Variants in THSD4 observed in about 807,000 individuals in gnomAD.
THSD4 encodes thrombospondin type 1 domain containing 4.
THSD4 carries 69 observed loss-of-function variants against 119.0 expected under a neutral mutation model. That is an observed-to-expected ratio of 0.58 (90% CI 0.48 to 0.71). The LOEUF is 0.71. Ranked by LOEUF, THSD4 falls within the 30% of genes least tolerant of loss-of-function variation. The pLI is 0.00. For synonymous variants in THSD4, 524 were observed against 540.4 expected (o/e 0.97, Z 0.42); for missense variants, 1,393 against 1,391.1 (o/e 1.00, Z -0.02).
intron 6 of THSD4, among the ~76,000 whole-genome samples, chr15:71,321,145 A>T (rs1168232262): frequency 6.6e-6 from 1 of 152,248 alleles, no homozygotes; most frequent in Non-Finnish European, 1.5e-5. Flanking sequence ...ACTAGCAGAG[A>T]TGAAATGACT....
At chr15:71,214,554 C>T (rs374016887) in intron 3 of THSD4, among the ~76,000 whole-genome samples, 131 of 152,220 alleles carry the variant, frequency 8.6e-4, no homozygotes, top group African/African-American at 3.0e-3. Flanking sequence ...ACCACGAACC[C>T]ACCGGAAGGA....
intron 2 of THSD4, among the ~76,000 whole-genome samples, chr15:71,150,046 C>T (rs755337720): frequency 6.6e-5 from 10 of 151,530 alleles, no homozygotes; most frequent in Non-Finnish European, 1.2e-4. Context: ...CAAGGTGAAT[C>T]GGAAAGTCTT....
intron 1 of THSD4, among the ~76,000 whole-genome samples, chr15:71,109,346 C>T (rs2040287948): frequency 6.6e-6 from 1 of 152,172 alleles, no homozygotes. Flanking sequence ...AGAAGCTATT[C>T]CAAATGCAGC....
intron 10 of THSD4, 30 bp downstream of exon 10, chr15:71,731,247 T>A: frequency 6.3e-7 from 1 of 1,597,168 alleles, no homozygotes; most frequent in South Asian, 1.1e-5. Context: ...GGCCGGGGAC[T>A]CTGGTCATTT....
chr15:71,242,688 C>T lies in THSD4; in HGVS notation c.504C>T (p.Gly168=). The change falls in exon 5 of 18, where the codon GGC becomes GGT. Residue 168 remains glycine (G), a synonymous_variant. Coordinates refer to ENST00000261862, the MANE Select transcript of THSD4 (RefSeq NM_024817.3). ...TRGTIGPGKY[G]YGKAPYILPL... ...GTACCATTGGCCCTGGCAAGTATGG[C>T]TATGGTAAGGCCCCATATATCTTAC... The T allele has an allele frequency of 6.2e-7, 1 of 1,614,166 alleles. No individual in the cohort carries two copies. Among genetic ancestry groups the T allele is most frequent in the Non-Finnish European group, 8.5e-7 (1 of 1,180,016 alleles).
chr15:71,490,025 A>AT lies in THSD4; in HGVS notation c.1152+78211dup, dbSNP rs968587273. On this transcript the variant is annotated intron_variant, in intron 7 of 17. Transcript: ENST00000261862. ...TCTAAACCTACAGTTTTGTGTCCTGATTTTTTTTTCCACATGAGCATTTTC... is the reference window on the plus strand; with the variant it reads ...TCTAAACCTACAGTTTTGTGTCCTGATTTTTTTTTTCCACATGAGCATTTTC... Among the ~76,000 whole-genome samples, 32 of 151,636 alleles carry AT rather than the reference A, an allele frequency of 2.1e-4. 1 individual carries two copies. The Middle Eastern group carries it at 0.017, about 81-fold the overall frequency.
intron 7 of THSD4, among the ~76,000 whole-genome samples, chr15:71,436,697 A>C (rs891857425): frequency 2.6e-5 from 4 of 152,162 alleles, no homozygotes; most frequent in Admixed American, 2.0e-4. Context: ...AAGCATACAA[A>C]ATTTATTCTA....
At chr15:71,432,979 A>T (rs2046962138) in intron 7 of THSD4, among the ~76,000 whole-genome samples, 1 of 151,976 alleles carries the variant, frequency 6.6e-6, no homozygotes, top group African/African-American at 2.4e-5. Context: ...TTTTGATTAC[A>T]TATTCTAATT....
chr15:71,669,844 C>A (rs2051488061), intron 8 of THSD4, among the ~76,000 whole-genome samples: 1 of 152,172 alleles, frequency 6.6e-6, no homozygotes, highest in Non-Finnish European at 1.5e-5. Context: ...CAGACAGATA[C>A]AAATCATCCT....
At chr15:71,282,763 A>C (rs1354444727) in intron 6 of THSD4, among the ~76,000 whole-genome samples, 1 of 152,126 alleles carries the variant, frequency 6.6e-6, no homozygotes, top group Non-Finnish European at 1.5e-5. Flanking sequence ...AGATCCATGA[A>C]GGCATCCCCA....
At chr15:71,312,717 C>T (rs2045128818) in intron 6 of THSD4, among the ~76,000 whole-genome samples, 1 of 152,126 alleles carries the variant, frequency 6.6e-6, no homozygotes, top group African/African-American at 2.4e-5. Flanking sequence ...TTTCTCACTC[C>T]ACTCTAGCAC....
chr15:71,124,994 G>T (rs2040441124), intron 1 of THSD4, among the ~76,000 whole-genome samples: 1 of 152,122 alleles, frequency 6.6e-6, no homozygotes. Context: ...AATTGCTTGA[G>T]CCCAGGAGTT....
At chr15:71,546,992 T>C (rs972937798) in intron 7 of THSD4, among the ~76,000 whole-genome samples, 12 of 152,192 alleles carry the variant, frequency 7.9e-5, no homozygotes, top group Non-Finnish European at 5.9e-5. Flanking sequence ...CTCATCCTGC[T>C]GCAATTCACT....
At chr15:71,180,162 A>T (rs12441713) in intron 3 of THSD4, among the ~76,000 whole-genome samples, 126,372 of 140,332 alleles carry the variant, frequency 0.9, 58,156 homozygotes, top group East Asian at 1. Flanking sequence ...ACATTAAAAA[A>T]AAAAAAAATA....
chr15:71,299,971 AAAAAAATATATATATAT>A (rs1306760947), intron 6 of THSD4, among the ~76,000 whole-genome samples: 1 of 107,288 alleles, frequency 9.3e-6, no homozygotes, highest in Non-Finnish European at 1.8e-5. Flanking sequence ...AAAAAAAAAA[AAAAAAATATATATATAT>A]ATATATATAT....
chr15:71,462,160 G>C (rs564075218), intron 7 of THSD4, among the ~76,000 whole-genome samples: 1 of 151,974 alleles, frequency 6.6e-6, no homozygotes, highest in Admixed American at 6.6e-5. Flanking sequence ...ACTAAACTTA[G>C]TTCTGATCAT....
chr15:71,766,037 T>A (rs917340482), intron 16 of THSD4, among the ~76,000 whole-genome samples: 1 of 152,224 alleles, frequency 6.6e-6, no homozygotes, highest in Non-Finnish European at 1.5e-5. Flanking sequence ...CTCACTTTTT[T>A]AAAATCTTGT....
At chr15:71,496,692 A>G (rs2048022482) in intron 7 of THSD4, among the ~76,000 whole-genome samples, 1 of 152,254 alleles carries the variant, frequency 6.6e-6, no homozygotes, top group Admixed American at 6.5e-5. Flanking sequence ...TGGAAACTAT[A>G]GCCATCTAAC....
At chr15:71,512,984 C>T (rs1056171536) in intron 7 of THSD4, among the ~76,000 whole-genome samples, 3 of 152,026 alleles carry the variant, frequency 2.0e-5, no homozygotes, top group South Asian at 2.1e-4. Context: ...CAGTGTTTTA[C>T]GAATAAGGAA....
Sources: gnomAD v4.1 joint callset for allele counts (sites outside exome capture counted in the v4.1 genomes callset) on GRCh38, gnomAD v4.1.1 for gene constraint, MANE v1.5 for transcripts, NCBI Gene and HGNC (gene_info 2026-07-23, HGNC 2026-07-21) for gene names.